The following MMP16 variants were observed in gnomAD, a reference collection of about 807,000 sequenced individuals.
MMP16 encodes the protein matrix metalloproteinase-16.
MMP16 carries 12 observed loss-of-function variants against 67.8 expected under a neutral mutation model. The ratio of observed to expected loss-of-function variants is 0.18; its 90% confidence interval spans 0.11 to 0.29. The LOEUF (loss-of-function observed/expected upper bound fraction) is 0.29, where lower values mean the gene tolerates loss of function less well. Among genes scored for constraint, MMP16 ranks in the 10% least tolerant of loss-of-function variants. The probability of loss-of-function intolerance (pLI) is 1.00; values close to 1 mark genes in which losing one functional copy is unlikely to be tolerated. For synonymous variants in MMP16, 249 were observed against 255.9 expected (o/e 0.97, Z 0.26); for missense variants, 475 against 765.7 (o/e 0.62, Z 4.48).
chr8:88,315,581 T>A (rs1328031782), intron 1 of MMP16, among the ~76,000 whole-genome samples: 1 of 152,124 alleles, frequency 6.6e-6, no homozygotes, highest in East Asian at 1.9e-4. Context: ...CTCTGCCCAT[T>A]TAAGATGCCA....
At chr8:88,278,186 CTGTATTTTT>C (rs1274679663) in intron 1 of MMP16, among the ~76,000 whole-genome samples, 1 of 152,130 alleles carries the variant, frequency 6.6e-6, no homozygotes, top group African/African-American at 2.4e-5. Flanking sequence ...ATCCTGAAAC[CTGTATTTTT>C]GGCTGTTCTA....
In MMP16 at chr8:88,106,316, G is replaced by A. The variant is rs73694243; in HGVS notation, c.1083+10191C>T. 8.2e-3 allele frequency among the ~76,000 whole-genome samples: 1,243 copies of A among 151,090 alleles called. 18 individuals carry two copies. The highest frequency in any genetic ancestry group is 0.028 in the African/African-American group (1,164 of 41,344). ...TGGTTTAAAAATTGCTCTGCACCTCGCTTTAAAAATATGTATCTTGGAGAT... is the reference window on the plus strand; with the variant it reads ...TGGTTTAAAAATTGCTCTGCACCTCACTTTAAAAATATGTATCTTGGAGAT... On this transcript the variant is annotated intron_variant, in intron 6 of 9. Transcript: ENST00000286614.
intron 3 of MMP16, among the ~76,000 whole-genome samples, chr8:88,172,275 A>G (rs1191140206): frequency 6.6e-6 from 1 of 152,234 alleles, no homozygotes; most frequent in Non-Finnish European, 1.5e-5. Context: ...CTAACTTTTT[A>G]TAACACATAC....
intron 6 of MMP16, among the ~76,000 whole-genome samples, chr8:88,093,017 A>T (rs1273719431): frequency 1.3e-5 from 2 of 151,872 alleles, no homozygotes; most frequent in African/African-American, 4.8e-5. Context: ...TATTCTAAGG[A>T]AATCCAGTAT....
At chr8:88,151,576 A>G (rs1808408388) in intron 4 of MMP16, among the ~76,000 whole-genome samples, 1 of 140,534 alleles carries the variant, frequency 7.1e-6, no homozygotes, top group Admixed American at 7.2e-5. Flanking sequence ...AAGCCGCTCA[A>G]CTACATGGAA....
chr8:88,153,762 C>G (rs1808454284), intron 4 of MMP16, among the ~76,000 whole-genome samples: 1 of 149,722 alleles, frequency 6.7e-6, no homozygotes, highest in Admixed American at 6.7e-5. Flanking sequence ...CCATAAAAAC[C>G]CTAGAAGAAA....
rs531385271 is a variant in MMP16 at position 88,162,074 on chromosome 8, G to A, written c.709+5595C>T. On this transcript the variant is annotated intron_variant, in intron 4 of 9. Coordinates refer to ENST00000286614, the MANE Select transcript of MMP16 (RefSeq NM_005941.5). ...AACTCTATATTATATGCATTTTAAT[G>A]TTCATGATCCATTTATATGTTTTTG... is the stretch of plus-strand genomic sequence containing the variant. 2.4e-4 allele frequency among the ~76,000 whole-genome samples: 36 copies of A among 152,024 alleles called. No individual in the cohort carries two copies. The East Asian group carries it at 6.8e-3, about 29-fold the overall frequency.
intron 6 of MMP16, among the ~76,000 whole-genome samples, chr8:88,087,592 G>C (rs912749020): frequency 6.6e-6 from 1 of 151,772 alleles, no homozygotes; most frequent in African/African-American, 2.4e-5. Context: ...TACCACACGA[G>C]AGGAATTTCA....
At chr8:88,171,729 G>A (rs1377067225) in intron 3 of MMP16, among the ~76,000 whole-genome samples, 2 of 151,838 alleles carry the variant, frequency 1.3e-5, no homozygotes, top group Non-Finnish European at 2.9e-5. Context: ...GGTCTTACTC[G>A]AATTAAACAA....
At chr8:88,261,968 A>T (rs947327057) in intron 1 of MMP16, among the ~76,000 whole-genome samples, 1 of 152,204 alleles carries the variant, frequency 6.6e-6, no homozygotes, top group Non-Finnish European at 1.5e-5. Context: ...AAGGTTACTT[A>T]GGTAGAATGT....
At chr8:88,253,754 G>A (rs1014644020) in intron 1 of MMP16, among the ~76,000 whole-genome samples, 1 of 151,944 alleles carries the variant, frequency 6.6e-6, no homozygotes. Flanking sequence ...ATTCAATTCA[G>A]GGTATAAAAT....
intron 6 of MMP16, among the ~76,000 whole-genome samples, chr8:88,105,630 T>C (rs1803833477): frequency 6.6e-6 from 1 of 151,488 alleles, no homozygotes; most frequent in Non-Finnish European, 1.5e-5. Flanking sequence ...CTCTCATTCA[T>C]GGTAGAGGGG....
At chr8:88,275,382 T>C (rs2129981714) in intron 1 of MMP16, among the ~76,000 whole-genome samples, 1 of 152,128 alleles carries the variant, frequency 6.6e-6, no homozygotes, top group Middle Eastern at 3.4e-3. Flanking sequence ...CTTTTAAGAT[T>C]AAGATAAATT....
intron 6 of MMP16, among the ~76,000 whole-genome samples, chr8:88,102,598 C>T (rs1157128553): frequency 6.6e-6 from 1 of 151,764 alleles, no homozygotes; most frequent in African/African-American, 2.4e-5. Flanking sequence ...TCCCTCTCCC[C>T]TCCCCTGAGG....
intron 1 of MMP16, among the ~76,000 whole-genome samples, chr8:88,279,786 C>T (rs1585996002): frequency 6.6e-6 from 1 of 152,292 alleles, no homozygotes; most frequent in East Asian, 1.9e-4. Context: ...CATATTTCTT[C>T]TCAAGGTATC....
At chr8:88,157,757 G>A (rs1808536740) in intron 4 of MMP16, among the ~76,000 whole-genome samples, 1 of 151,958 alleles carries the variant, frequency 6.6e-6, no homozygotes, top group South Asian at 2.1e-4. Flanking sequence ...GTGCCATGTT[G>A]GTGTGCTGCA....
At chr8:88,306,891 C>T (rs1811219265) in intron 1 of MMP16, among the ~76,000 whole-genome samples, 1 of 152,076 alleles carries the variant, frequency 6.6e-6, no homozygotes, top group Non-Finnish European at 1.5e-5. Context: ...ACCCTCTTAC[C>T]ATTCCTATTC....
chr8:88,321,714 C>T (rs542020234), intron 1 of MMP16, among the ~76,000 whole-genome samples: 1 of 152,262 alleles, frequency 6.6e-6, no homozygotes, highest in African/African-American at 2.4e-5. Context: ...TTCCCATCCC[C>T]TTTGGCTACA....
intron 1 of MMP16, among the ~76,000 whole-genome samples, chr8:88,300,383 G>A (rs908229241): frequency 6.6e-6 from 1 of 151,962 alleles, no homozygotes; most frequent in Admixed American, 6.6e-5. Flanking sequence ...ATTTTAAATC[G>A]TGCACCTTTC....
Sources: gnomAD v4.1 joint callset for allele counts (sites outside exome capture counted in the v4.1 genomes callset) on GRCh38, gnomAD v4.1.1 for gene constraint, MANE v1.5 for transcripts, NCBI Gene and HGNC (gene_info 2026-07-23, HGNC 2026-07-21) for gene names.